PLCH2: variants seen among roughly 807,000 people sequenced by gnomAD.
PLCH2 encodes the protein phospholipase C eta 2.
A neutral mutation model predicts 134.7 loss-of-function variants in PLCH2; 98 were observed. The observed-to-expected ratio is 0.73, with a 90% CI of 0.62 to 0.86. The LOEUF is 0.86. Among genes scored for constraint, PLCH2 ranks in the 40% least tolerant of loss-of-function variants. PLCH2 has a pLI of 0.00. For missense variants in PLCH2, 1,994 were observed against 1,986.6 expected, an observed-to-expected ratio of 1.00 and a Z score of -0.07; for synonymous variants, 974 against 827.5, an observed-to-expected ratio of 1.18 and a Z score of -3.04.
intron 2 of PLCH2, among the ~76,000 whole-genome samples, chr1:2,446,098 C>T (rs1639931674): frequency 6.6e-6 from 1 of 152,202 alleles, no homozygotes. Context: ...GGCTTCCACC[C>T]CCGTCCTGCT....
intron 16 of PLCH2, chr1:2,497,955 A>C (rs1448872691): frequency 6.5e-6 from 2 of 306,766 alleles, no homozygotes; most frequent in Middle Eastern, 9.2e-4. Context: ...GGGTCTCAGG[A>C]CCTGGGTCTG....
chr1:2,483,773 G>A lies in PLCH2; in HGVS notation c.646-675G>A, dbSNP rs1570423973. On this transcript the variant is annotated intron_variant, in intron 4 of 21. Coordinates refer to ENST00000378486, the MANE Select transcript of PLCH2 (RefSeq NM_014638.4). ...GTTGTTGACCCCCGTTTGGGGGGGCGCTGACCCCCGTTTGGGGGGGCGCTG... is the reference window on the plus strand; with the variant it reads ...GTTGTTGACCCCCGTTTGGGGGGGCACTGACCCCCGTTTGGGGGGGCGCTG... 2.8e-5 allele frequency among the ~76,000 whole-genome samples: 3 copies of A among 107,722 alleles called. 1 individual carries two copies. The highest frequency in any genetic ancestry group is 9.5e-5 in the Admixed American group (1 of 10,496). The allele number at this position is 107,722 out of a possible 152,430, so 70.7% of individuals were successfully genotyped here.
chr1:2,444,752 CACTGGA>C lies in PLCH2; in HGVS notation c.115+14128_115+14133del, dbSNP rs1360476080. On this transcript the variant is annotated intron_variant, in intron 2 of 3. Transcript: ENST00000609981. This position sits in a 1 kb window ranked among gnomAD's most constrained non-coding sequence, Gnocchi z 4.6. ...TGATCCCCACTGTGACCACTGAGAC[CACTGGA>C]ACTGCCCTTCCCCCATGGCCTTCTC... Among the ~76,000 whole-genome samples the C allele has an allele frequency of 6.6e-6, 1 of 152,092 alleles. No individual in the cohort carries two copies. Among genetic ancestry groups the C allele is most frequent in the Admixed American group, 6.5e-5 (1 of 15,284 alleles).
intron 2 of PLCH2, among the ~76,000 whole-genome samples, chr1:2,450,676 ACCCCCCTCTCCCCGCCTGC>A (rs1640169951): frequency 1.3e-3 from 10 of 7,520 alleles, no homozygotes; most frequent in East Asian, 4.9e-3. Flanking sequence ...CTCCCCGCCT[ACCCCCCTCTCCCCGCCTGC>A]CCCCCCGCTC....
At chr1:2,496,216 C>T (rs547737317) in intron 13 of PLCH2, among the ~76,000 whole-genome samples, 3 of 152,298 alleles carry the variant, frequency 2.0e-5, no homozygotes, top group South Asian at 4.1e-4. Context: ...CCACGTGTGC[C>T]GCTGCCACCC....
chr1:2,434,977 G>C (rs1454348411), intron 2 of PLCH2, among the ~76,000 whole-genome samples: 1 of 110,338 alleles, frequency 9.1e-6, no homozygotes, highest in African/African-American at 3.2e-5. Flanking sequence ...TGGCTTCTCA[G>C]GGGGGATTTG....
chr1:2,436,364 T>A lies in PLCH2; in HGVS notation c.115+5735T>A, dbSNP rs1318037599. ...CCACCTTTCCTCCCTTCCTCCCTCC[T>A]CCCTTCCTCCCTCCTCCCTTCCTCC... On this transcript the variant is annotated intron_variant, in intron 2 of 3. Transcript: ENST00000609981. Among the ~76,000 whole-genome samples, 20 of 35,122 alleles carry A rather than the reference T, an allele frequency of 5.7e-4. 1 individual carries two copies. The highest frequency in any genetic ancestry group is 1.3e-3 in the East Asian group (2 of 1,498). 23.0% of individuals were successfully genotyped at this position (35,122 alleles called of 152,430 possible). A position where few individuals can be genotyped will look rare whatever the true frequency, so the allele number is the denominator to read the frequency against.
intron 2 of PLCH2, among the ~76,000 whole-genome samples, chr1:2,455,647 G>A (rs760277958): frequency 3.9e-5 from 6 of 152,186 alleles, no homozygotes; most frequent in African/African-American, 1.2e-4. Context: ...GGGGTCAGGC[G>A]GGGGCAGGAG....
chr1:2,503,919 C>A lies in PLCH2; in HGVS notation c.2960-3C>A, dbSNP rs1643380024. ...TCTCTCTCACTCCCCCACCTCCCCA[C>A]AGACACCCGCCCCCTCTCCACGCAG... On this transcript the variant is annotated splice_region_variant and splice_polypyrimidine_tract_variant and intron_variant, in intron 21 of 21. Coordinates refer to ENST00000378486, the MANE Select transcript of PLCH2 (RefSeq NM_014638.4). 2.3e-6 allele frequency: 2 copies of A among 862,542 alleles called. No homozygotes were observed. Among genetic ancestry groups the A allele is most frequent in the Admixed American group, 2.6e-5 (1 of 39,008 alleles). The allele number at this position is 862,542 out of a possible 1,614,324, so 53.4% of individuals were successfully genotyped here. A position where few individuals can be genotyped will look rare whatever the true frequency, so the allele number is the denominator to read the frequency against.
intron 2 of PLCH2, among the ~76,000 whole-genome samples, chr1:2,446,031 C>T (rs1050531566): frequency 1.3e-5 from 2 of 151,546 alleles, no homozygotes; most frequent in African/African-American, 4.8e-5. Flanking sequence ...GTGATGGGCA[C>T]GCCGACGGGA....
At chr1:2,478,760 G>A (rs1371864745) in intron 2 of PLCH2, 138 bp downstream of exon 2, 10 of 862,462 alleles carry the variant, frequency 1.2e-5, no homozygotes, top group African/African-American at 1.7e-5. Context: ...AGTGGCCTTG[G>A]GGATCTGCAG....
chr1:2,459,530 C>T (rs1640692723), intron 2 of PLCH2, among the ~76,000 whole-genome samples: 3 of 136,536 alleles, frequency 2.2e-5, no homozygotes, highest in Admixed American at 7.3e-5. Context: ...CCTGGTGGTC[C>T]TCCTTCCTGG....
In PLCH2 at chr1:2,504,116, C is replaced by G. The variant is rs369709463; in HGVS notation, c.3154C>G (p.Arg1052Gly). The G allele has an allele frequency of 1.3e-6, 2 of 1,524,764 alleles. No homozygotes were observed. The highest frequency in any genetic ancestry group is 2.2e-5 in the Admixed American group (1 of 44,814). The allele number at this position is 1,524,764 out of a possible 1,614,324, so 94.5% of individuals were successfully genotyped here. The change falls in exon 22 of 22, where the codon CGA (arginine) becomes GGA (glycine). Residue 1052 changes from arginine to glycine, a missense_variant. This residue lies in a region of PLCH2 where 900 missense variants were observed against 752.3 expected (regional missense o/e 1.20). Transcript: ENST00000378486. ...CCCCCTAGAGGACACTGAGGAGCCC[C>G]GAGACAGCAGGCCTCGGCCGTGCAA... ...ASPLEDTEEP[R>G]DSRPRPCNGE...
chr1:2,446,532 C>T (rs1171356389), intron 2 of PLCH2, among the ~76,000 whole-genome samples: 4 of 152,256 alleles, frequency 2.6e-5, no homozygotes, highest in East Asian at 1.9e-4. Flanking sequence ...GACCGCCCTC[C>T]GGATTATTCT....
At chr1:2,428,919 C>A (rs1186093423) in intron 1 of PLCH2, among the ~76,000 whole-genome samples, 1 of 152,084 alleles carries the variant, frequency 6.6e-6, no homozygotes, top group Non-Finnish European at 1.5e-5. Context: ...GGCCTCTGGT[C>A]GAGAGCGAGC....
At chr1:2,452,240 G>A (rs1640271776) in intron 2 of PLCH2, among the ~76,000 whole-genome samples, 1 of 152,220 alleles carries the variant, frequency 6.6e-6, no homozygotes, top group South Asian at 2.1e-4. Flanking sequence ...GAGCTTCAGG[G>A]AGCAATCCGG....
In PLCH2 at chr1:2,444,580, C is replaced by A. The variant is rs1639852580; in HGVS notation, c.115+13951C>A. Among the ~76,000 whole-genome samples, 1 of 152,150 alleles carries A rather than the reference C, an allele frequency of 6.6e-6. No individual in the cohort carries two copies. Among genetic ancestry groups the A allele is most frequent in the Non-Finnish European group, 1.5e-5 (1 of 68,008 alleles). ...AGGGGTCTCCTGGGCTCTGGACCTG[C>A]CGGCAGAGCTACAGGGTATTCTTTA... On this transcript the variant is annotated intron_variant, in intron 2 of 3. Transcript: ENST00000609981. The surrounding 1 kb of genome is among the most constrained non-coding windows in gnomAD (Gnocchi z 4.6).
Position 2,504,578 on chromosome 1 carries a change from C to A in PLCH2, c.3616C>A (p.Leu1206Ile). ...GACCAAGAGCAAATCCAACCCCAAC[C>A]TTCGGGCTACAGGCCAGCGGCCTCC... ...PVTKSKSNPN[L>I]RATGQRPPIP... The change falls in exon 22 of 22, where the codon CTT (leucine) becomes ATT (isoleucine). Residue 1206 changes from leucine (L) to isoleucine (I), a missense_variant. Physicochemically the swap from Leu to Ile is conservative, Grantham distance 5. Around this residue, in one of 2 missense-constraint regions of PLCH2, gnomAD observed 900 missense variants for 752.3 expected, o/e 1.20. Transcript: ENST00000378486. 2 of 1,612,774 alleles carry A rather than the reference C, an allele frequency of 1.2e-6. No individual in the cohort carries two copies. Among genetic ancestry groups the A allele is most frequent in the Non-Finnish European group, 1.7e-6 (2 of 1,179,800 alleles).
intron 20 of PLCH2, chr1:2,501,812 C>T (rs932863760): frequency 5.4e-6 from 2 of 368,944 alleles, no homozygotes; most frequent in Admixed American, 4.6e-5. Flanking sequence ...TCTCTCCATG[C>T]CCCTCAAGGG....
Sources: allele counts gnomAD v4.1 joint callset (sites outside exome capture counted in the v4.1 genomes callset), GRCh38; gene constraint gnomAD v4.1.1; regional missense constraint gnomAD v4.1.1; non-coding constraint Gnocchi (gnomAD v3.1); transcripts MANE v1.5; gene names NCBI Gene and HGNC (gene_info 2026-07-23, HGNC 2026-07-21).